Variants in PARD3 observed in about 807,000 individuals in gnomAD.
The protein encoded by PARD3 is par-3 family cell polarity regulator.
PARD3 carries 75 observed loss-of-function variants against 155.4 expected under a neutral mutation model. The ratio of observed to expected loss-of-function variants is 0.48; its 90% confidence interval spans 0.40 to 0.58. The LOEUF is 0.58. Among genes scored for constraint, PARD3 ranks in the 20% least tolerant of loss-of-function variants. PARD3 has a pLI of 0.00. For synonymous variants in PARD3, 576 were observed against 610.5 expected, an observed-to-expected ratio of 0.94 and a Z score of 0.83; for missense variants, 1,642 against 1,721.7, an observed-to-expected ratio of 0.95 and a Z score of 0.82.
At chr10:34,262,433 A>G (rs1216193230) in intron 22 of PARD3, among the ~76,000 whole-genome samples, 1 of 151,972 alleles carries the variant, frequency 6.6e-6, no homozygotes, top group Non-Finnish European at 1.5e-5. Context: ...ATGCCCGGAT[A>G]ATTTTAGTGT....
At chr10:34,755,268 C>T (rs1194657404) in intron 1 of PARD3, among the ~76,000 whole-genome samples, 6 of 151,714 alleles carry the variant, frequency 4.0e-5, no homozygotes, top group East Asian at 1.9e-4. Flanking sequence ...AAAAATTAGC[C>T]GGGCGTGGTG....
intron 2 of PARD3, among the ~76,000 whole-genome samples, chr10:34,635,058 C>T (rs1364822667): frequency 1.3e-5 from 2 of 152,226 alleles, no homozygotes; most frequent in East Asian, 1.9e-4. Flanking sequence ...GATGGCTCCA[C>T]TGAAAACACT....
At chr10:34,424,053 G>T (rs1317241682) in intron 5 of PARD3, among the ~76,000 whole-genome samples, 1 of 152,010 alleles carries the variant, frequency 6.6e-6, no homozygotes, top group Non-Finnish European at 1.5e-5. Flanking sequence ...TATTTTTAAG[G>T]TCATAAATAT....
chr10:34,507,438 T>C (rs2081139582), intron 3 of PARD3, among the ~76,000 whole-genome samples: 1 of 150,734 alleles, frequency 6.6e-6, no homozygotes, highest in African/African-American at 2.5e-5. Context: ...AGAGGTAACG[T>C]GGCAACGGGA....
intron 2 of PARD3, among the ~76,000 whole-genome samples, chr10:34,530,614 G>C (rs532174391): frequency 2.0e-5 from 3 of 152,070 alleles, no homozygotes. Context: ...TGGCTTTGTT[G>C]TCAATTTTGT....
rs34342941 is a variant in PARD3 at position 34,803,070 on chromosome 10, G to GA, written c.120+11805dup. ...ATGAAACCCCGTCTCTACTAAAAAT[G>GA]AAAAAAAAAAAAAAAAAAATTAGCT... On this transcript the variant is annotated intron_variant, in intron 1 of 24. Coordinates refer to ENST00000374788, the MANE Select transcript of PARD3 (RefSeq NM_001184785.2). Among the ~76,000 whole-genome samples, 969 of 102,644 alleles carry GA rather than the reference G, an allele frequency of 9.4e-3. 11 individuals are homozygous for GA. Among genetic ancestry groups the GA allele is most frequent in the Admixed American group, 0.023 (223 of 9,514 alleles). The allele number at this position is 102,644 out of a possible 152,430, so 67.3% of individuals were successfully genotyped here.
intron 22 of PARD3, among the ~76,000 whole-genome samples, chr10:34,213,442 C>T (rs894315483): frequency 2.0e-5 from 3 of 152,116 alleles, no homozygotes; most frequent in Non-Finnish European, 4.4e-5. Context: ...GGGGGTCAAA[C>T]GTCAATATGA....
chr10:34,479,433 T>A (rs1451741498), intron 3 of PARD3, among the ~76,000 whole-genome samples: 1 of 152,158 alleles, frequency 6.6e-6, no homozygotes, highest in African/African-American at 2.4e-5. Flanking sequence ...AGTCCTGGGA[T>A]TACTTTGGGG....
chr10:34,706,477 T>C (rs1164802610), intron 1 of PARD3, among the ~76,000 whole-genome samples: 3 of 152,206 alleles, frequency 2.0e-5, no homozygotes, highest in East Asian at 1.9e-4. Context: ...CCAGGCGTGG[T>C]GGCCCACACC....
At chr10:34,345,095 G>A (rs1837267507) in intron 15 of PARD3, 1 of 983,696 alleles carries the variant, frequency 1.0e-6, no homozygotes, top group Admixed American at 6.2e-5. Context: ...AATAAAGAAT[G>A]AAGATCTCAG....
chr10:34,284,096 C>T (rs1956277567), intron 21 of PARD3, 39 bp downstream of exon 21: 1 of 1,092,120 alleles, frequency 9.2e-7, no homozygotes, highest in Non-Finnish European at 1.3e-6. Flanking sequence ...AAAAAAGAAC[C>T]TCTTTCTAAG....
At chr10:34,704,438 A>T (rs1405806523) in intron 1 of PARD3, among the ~76,000 whole-genome samples, 2 of 152,190 alleles carry the variant, frequency 1.3e-5, no homozygotes, top group East Asian at 3.8e-4. Context: ...AGTGTGACAG[A>T]GGGAGGAGAA....
chr10:34,237,552 T>C (rs894527999), intron 22 of PARD3, among the ~76,000 whole-genome samples: 1 of 152,222 alleles, frequency 6.6e-6, no homozygotes, highest in Admixed American at 6.5e-5. Context: ...TACTCATATG[T>C]AAATTTCCAT....
chr10:34,791,335 G>A (rs1483599571), intron 1 of PARD3, among the ~76,000 whole-genome samples: 1 of 152,098 alleles, frequency 6.6e-6, no homozygotes, highest in Non-Finnish European at 1.5e-5. Flanking sequence ...CCACCACACT[G>A]CTGGCAGCCG....
intron 2 of PARD3, among the ~76,000 whole-genome samples, chr10:34,572,720 T>C (rs552961120): frequency 6.6e-6 from 1 of 152,168 alleles, no homozygotes; most frequent in South Asian, 2.1e-4. Flanking sequence ...AGTTAATTTT[T>C]GACTGATCAG....
At chr10:34,691,464 A>C (rs184050823) in intron 2 of PARD3, among the ~76,000 whole-genome samples, 54 of 152,336 alleles carry the variant, frequency 3.5e-4, no homozygotes, top group East Asian at 3.3e-3. Context: ...AAATGGAAAA[A>C]TGTTCCATGC....
At chr10:34,750,711 T>TG (rs1486590033) in intron 1 of PARD3, among the ~76,000 whole-genome samples, 3 of 144,090 alleles carry the variant, frequency 2.1e-5, no homozygotes, top group South Asian at 2.3e-4. Context: ...TTTTTTGAGA[T>TG]GGAGTCTCAC....
intron 1 of PARD3, among the ~76,000 whole-genome samples, chr10:34,754,428 C>T (rs1417885181): frequency 2.6e-5 from 4 of 152,172 alleles, no homozygotes; most frequent in Admixed American, 6.5e-5. Flanking sequence ...TGAAACATCA[C>T]GTGCTTTGTC....
intron 1 of PARD3, among the ~76,000 whole-genome samples, chr10:34,745,615 G>C (rs1835212041): frequency 6.6e-6 from 1 of 152,176 alleles, no homozygotes; most frequent in African/African-American, 2.4e-5. Context: ...ACCAAAGGAA[G>C]ACTCGGCAAT....
Sources: allele counts gnomAD v4.1 joint callset (sites outside exome capture counted in the v4.1 genomes callset), GRCh38; gene constraint gnomAD v4.1.1; transcripts MANE v1.5; gene names NCBI Gene and HGNC (gene_info 2026-07-23, HGNC 2026-07-21).